The following ERBIN variants were observed in gnomAD, a reference collection of about 807,000 sequenced individuals.
ERBIN encodes the protein erbb2 interacting protein, also known as densin-180-like protein.
ERBIN carries 60 observed loss-of-function variants against 158.4 expected under a neutral mutation model. That is an observed-to-expected ratio of 0.38 (90% confidence interval 0.31 to 0.47). The LOEUF is 0.47. Among genes scored for constraint, ERBIN ranks in the 20% least tolerant of loss-of-function variants. ERBIN has a pLI of 0.99. For missense variants in ERBIN, 1,610 were observed against 1,648.0 expected (o/e 0.98, Z 0.40); for synonymous variants, 594 against 557.2 (o/e 1.07, Z -0.93).
intron 21 of ERBIN, among the ~76,000 whole-genome samples, chr5:66,065,179 T>G (rs1426583549): frequency 6.6e-6 from 1 of 152,206 alleles, no homozygotes; most frequent in Non-Finnish European, 1.5e-5. Context: ...TGATGCAAAT[T>G]TGAGATACAA....
At position 66,013,242 on chromosome 5, in the gene ERBIN, T is replaced by A. The variant is rs1754391619; in HGVS notation, c.387-307T>A. Among the ~76,000 whole-genome samples, 3 of 152,220 alleles carry A rather than the reference T, an allele frequency of 2.0e-5. No individual in the cohort carries two copies. The South Asian group carries it at 6.2e-4, about 32-fold the overall frequency. On this transcript the variant is annotated intron_variant, in intron 5 of 25. Transcript: ENST00000284037. ...ACAGATTTCAAGAGTGCCTGCTGAT[T>A]TCAGAGTTATACCCTAAATATATTT...
chr5:65,940,704 C>T (rs1332143079), intron 1 of ERBIN, among the ~76,000 whole-genome samples: 8 of 140,680 alleles, frequency 5.7e-5, no homozygotes, highest in African/African-American at 2.2e-4. Context: ...GGGGGGTCAG[C>T]CCCCCGCCCG....
intron 1 of ERBIN, among the ~76,000 whole-genome samples, chr5:65,977,492 G>A (rs1355222891): frequency 6.6e-6 from 1 of 150,882 alleles, no homozygotes; most frequent in Non-Finnish European, 1.5e-5. Context: ...GGGCGGCCGG[G>A]CAGAGACGCT....
chr5:65,955,162 A>T (rs1039434929), intron 1 of ERBIN, among the ~76,000 whole-genome samples: 7 of 152,320 alleles, frequency 4.6e-5, no homozygotes, highest in Non-Finnish European at 8.8e-5. Context: ...TCGGATTTTT[A>T]AAAAATGCCA....
At chr5:66,061,833 G>A (rs1250801855) in intron 21 of ERBIN, among the ~76,000 whole-genome samples, 4 of 152,144 alleles carry the variant, frequency 2.6e-5, no homozygotes, top group African/African-American at 4.8e-5. Flanking sequence ...GAAATTCTGG[G>A]TTGAAAATTC....
rs1762399189 is a variant in ERBIN, at chr5:66,081,831, A to G, written c.*3301A>G. ...GTTCAGTGAATAGGTTTCTTATGAA[A>G]TGGACATTGAAATAAAAATTATGAT... On this transcript the variant is annotated 3_prime_UTR_variant, in exon 26 of 26. Coordinates refer to ENST00000284037, the MANE Select transcript of ERBIN (RefSeq NM_001253697.2). The G allele has an allele frequency of 2.0e-5, 3 of 152,042 alleles. No homozygotes were observed. The South Asian group carries it at 6.2e-4, about 32-fold the overall frequency. 9.4% of individuals were successfully genotyped at this position (152,042 alleles called of 1,614,324 possible).
At chr5:65,963,629 T>G (rs1375897794) in intron 1 of ERBIN, among the ~76,000 whole-genome samples, 1 of 151,942 alleles carries the variant, frequency 6.6e-6, no homozygotes, top group African/African-American at 2.4e-5. Flanking sequence ...CAAAAAAAAC[T>G]ACTTTACATG....
intron 1 of ERBIN, among the ~76,000 whole-genome samples, chr5:65,966,099 T>C (rs910560996): frequency 8.1e-5 from 9 of 110,548 alleles, no homozygotes; most frequent in African/African-American, 2.6e-4. Flanking sequence ...ATAATGACAT[T>C]TTGGTCAATG....
chr5:66,016,556 C>T (rs987941609), intron 7 of ERBIN, among the ~76,000 whole-genome samples: 5 of 151,650 alleles, frequency 3.3e-5, no homozygotes, highest in Non-Finnish European at 7.4e-5. Flanking sequence ...TCATTCTTTC[C>T]TCCCCACTAC....
chr5:65,974,478 C>T (rs760084187), intron 1 of ERBIN, among the ~76,000 whole-genome samples: 4 of 152,216 alleles, frequency 2.6e-5, no homozygotes, highest in Non-Finnish European at 5.9e-5. Context: ...AGAGAATTTT[C>T]AGAGACCATC....
At position 66,044,169 on chromosome 5, in the gene ERBIN, C is replaced by T. The variant is rs777074562; in HGVS notation, c.1461C>T (p.Tyr487=). 2.5e-6 allele frequency: 4 copies of T among 1,587,080 alleles called. No individual in the cohort carries two copies. The highest frequency in any genetic ancestry group is 3.4e-6 in the Non-Finnish European group (4 of 1,171,030). ...ATTTAAAAAGATATCCAACACCATA[C>T]CCAGATGAGCTTAAGAATATGGTCA... The part of the protein sequence containing the change: ...EGNLKRYPTP[Y]PDELKNMVKT... The change falls in exon 17 of 26, where the codon TAC becomes TAT. Residue 487 remains tyrosine, a synonymous_variant. Transcript: ENST00000284037.
intron 21 of ERBIN, among the ~76,000 whole-genome samples, chr5:66,059,307 TG>T (rs1452567303): frequency 6.6e-6 from 1 of 152,192 alleles, no homozygotes; most frequent in Non-Finnish European, 1.5e-5. Flanking sequence ...CAATTGTGAA[TG>T]GGAGTTCACT....
intron 21 of ERBIN, among the ~76,000 whole-genome samples, chr5:66,062,151 C>G (rs1470416608): frequency 2.0e-5 from 3 of 152,170 alleles, no homozygotes; most frequent in African/African-American, 7.2e-5. Flanking sequence ...CAACTTGGTT[C>G]CATTCTCCCC....
Position 65,994,793 on chromosome 5 carries a change from A to G in ERBIN, c.236A>G (p.Asn79Ser). The G allele has an allele frequency of 1.2e-6, 2 of 1,609,186 alleles. No homozygotes were observed. Among genetic ancestry groups the G allele is most frequent in the Non-Finnish European group, 1.7e-6 (2 of 1,178,644 alleles). Reference protein sequence around the residue: ...QSLHKLSLPDNDLTTLPASIA... With the variant: ...QSLHKLSLPDSDLTTLPASIA... ...TTACACAAACTGAGTTTGCCAGACA[A>G]TGATTTAACAACGTTACCAGCATCC... Residue 79 changes from asparagine to serine, a missense_variant, in exon 4 of 26, where the codon AAT becomes AGT. Transcript: ENST00000284037.
chr5:65,993,846 A>C (rs972327458), intron 3 of ERBIN, among the ~76,000 whole-genome samples: 1 of 152,204 alleles, frequency 6.6e-6, no homozygotes, highest in African/African-American at 2.4e-5. Flanking sequence ...ATATACTTGT[A>C]CTAAAAAATT....
At chr5:66,042,161 C>T (rs1757974143) in intron 15 of ERBIN, among the ~76,000 whole-genome samples, 1 of 151,904 alleles carries the variant, frequency 6.6e-6, no homozygotes, top group Non-Finnish European at 1.5e-5. Flanking sequence ...CCAGGAGTTT[C>T]TGGGGTTCTT....
chr5:66,035,529 T>C (rs1169179965), intron 14 of ERBIN, among the ~76,000 whole-genome samples: 1 of 152,190 alleles, frequency 6.6e-6, no homozygotes, highest in Non-Finnish European at 1.5e-5. Flanking sequence ...ACCACTTCCC[T>C]TAAATACTGT....
Position 66,075,116 on chromosome 5 carries a change from G to A in ERBIN, c.3849G>A (p.Arg1283=), listed in dbSNP as rs770144685. 2.5e-6 allele frequency: 4 copies of A among 1,614,106 alleles called. No homozygotes were observed. Among genetic ancestry groups the A allele is most frequent in the Non-Finnish European group, 3.4e-6 (4 of 1,180,016 alleles). ...ACCCCCCTCAGGCATCTGTGGCAAG[G>A]CATCCCTCTAGAGAACAACTAATTG... The part of the protein sequence containing the change: ...IHHPPQASVA[R]HPSREQLIDY... The change falls in exon 23 of 26, where the codon AGG becomes AGA. Residue 1283 remains arginine, a synonymous_variant. Transcript: ENST00000284037.
chr5:66,017,265 T>C (rs751448664), intron 7 of ERBIN, among the ~76,000 whole-genome samples: 1 of 152,156 alleles, frequency 6.6e-6, no homozygotes, highest in Non-Finnish European at 1.5e-5. Flanking sequence ...TTTTAGGAAC[T>C]TCTATACTGT....
Sources: gnomAD v4.1 joint callset for allele counts (sites outside exome capture counted in the v4.1 genomes callset) on GRCh38, gnomAD v4.1.1 for gene constraint, MANE v1.5 for transcripts, NCBI Gene and HGNC (gene_info 2026-07-23, HGNC 2026-07-21) for gene names.